Variants in PITPNC1 observed in about 807,000 individuals in gnomAD.
PITPNC1 encodes phosphatidylinositol transfer protein cytoplasmic 1.
In PITPNC1, 18 loss-of-function variants were observed where a neutral mutation model predicts 44.7. The ratio of observed to expected loss-of-function variants is 0.40; its 90% CI spans 0.28 to 0.60. The LOEUF is 0.60. Ranked by LOEUF, PITPNC1 falls within the 20% of genes least tolerant of loss-of-function variation. PITPNC1 has a pLI of 0.39. For synonymous variants in PITPNC1, 141 were observed against 149.6 expected, an observed-to-expected ratio of 0.94 and a Z score of 0.42; for missense variants, 290 against 418.4, an observed-to-expected ratio of 0.69 and a Z score of 2.68.
intron 1 of PITPNC1, among the ~76,000 whole-genome samples, chr17:67,467,216 T>TTG: frequency 6.6e-6 from 1 of 151,912 alleles, no homozygotes; most frequent in Non-Finnish European, 1.5e-5. Flanking sequence ...TGGCTATTTT[T>TTG]TGTGTGTGTG....
chr17:67,500,649 T>A (rs1405767715), intron 1 of PITPNC1, among the ~76,000 whole-genome samples: 1 of 41,542 alleles, frequency 2.4e-5, no homozygotes, highest in Non-Finnish European at 5.6e-5. Context: ...TATATCTCAA[T>A]TTTTTTTTAA....
At chr17:67,548,904 G>A (rs2040720405) in intron 2 of PITPNC1, among the ~76,000 whole-genome samples, 1 of 152,168 alleles carries the variant, frequency 6.6e-6, no homozygotes, top group Non-Finnish European at 1.5e-5. Context: ...CATCATGAAA[G>A]TGACAGCAAC....
At chr17:67,475,921 C>T (rs573157711) in intron 1 of PITPNC1, among the ~76,000 whole-genome samples, 3 of 152,166 alleles carry the variant, frequency 2.0e-5, no homozygotes, top group Admixed American at 6.5e-5. Flanking sequence ...AGCAACAGAG[C>T]GGTCTCTAAC....
At chr17:67,690,156 C>T (rs2042893680) in intron 8 of PITPNC1, among the ~76,000 whole-genome samples, 1 of 152,058 alleles carries the variant, frequency 6.6e-6, no homozygotes, top group African/African-American at 2.4e-5. Flanking sequence ...GTTATAAAAC[C>T]TAAAGATTAA....
chr17:67,437,348 G>A (rs2143911929), intron 1 of PITPNC1, among the ~76,000 whole-genome samples: 1 of 152,206 alleles, frequency 6.6e-6, no homozygotes, highest in East Asian at 1.9e-4. Context: ...AGAGACACAG[G>A]GAGAAGATAG....
chr17:67,646,488 G>A (rs1401321063), intron 6 of PITPNC1, among the ~76,000 whole-genome samples: 1 of 152,146 alleles, frequency 6.6e-6, no homozygotes. Flanking sequence ...TCACAAAATT[G>A]CTAAACCTGG....
chr17:67,616,033 G>A (rs2041753744), intron 5 of PITPNC1, among the ~76,000 whole-genome samples: 1 of 152,174 alleles, frequency 6.6e-6, no homozygotes, highest in South Asian at 2.1e-4. Context: ...ACTTAGAAGT[G>A]ATTTTGTGCC....
At chr17:67,633,767 T>C (rs1208057222) in intron 6 of PITPNC1, among the ~76,000 whole-genome samples, 1 of 152,256 alleles carries the variant, frequency 6.6e-6, no homozygotes, top group East Asian at 1.9e-4. Flanking sequence ...GCGCAGAGCA[T>C]TGTGCAAAGC....
At chr17:67,386,892 C>T (rs1239307337) in intron 1 of PITPNC1, among the ~76,000 whole-genome samples, 1 of 151,906 alleles carries the variant, frequency 6.6e-6, no homozygotes, top group Non-Finnish European at 1.5e-5. Flanking sequence ...TTCAGCCCAC[C>T]GGGAGAGGAA....
At chr17:67,662,478 G>A (rs956807989) in intron 6 of PITPNC1, among the ~76,000 whole-genome samples, 2 of 151,936 alleles carry the variant, frequency 1.3e-5, no homozygotes, top group Non-Finnish European at 1.5e-5. Context: ...ATAATTCAAC[G>A]TTTTTTTCAT....
intron 1 of PITPNC1, among the ~76,000 whole-genome samples, chr17:67,466,980 G>A (rs1358921117): frequency 6.7e-6 from 1 of 150,180 alleles, no homozygotes; most frequent in Non-Finnish European, 1.5e-5. Context: ...GCATTCTTGT[G>A]TTAAGGACCA....
intron 1 of PITPNC1, among the ~76,000 whole-genome samples, chr17:67,458,474 G>A (rs2039287145): frequency 6.6e-6 from 1 of 151,796 alleles, no homozygotes; most frequent in East Asian, 1.9e-4. Context: ...TCTATCTATT[G>A]CATTTTAAAA....
intron 1 of PITPNC1, among the ~76,000 whole-genome samples, chr17:67,506,700 A>G (rs1214441593): frequency 1.3e-5 from 2 of 152,210 alleles, no homozygotes; most frequent in African/African-American, 4.8e-5. Context: ...TTCTCATTCA[A>G]TAATTGGAAA....
At chr17:67,460,775 G>A (rs1174652006) in intron 1 of PITPNC1, among the ~76,000 whole-genome samples, 1 of 130,782 alleles carries the variant, frequency 7.6e-6, no homozygotes, top group Non-Finnish European at 1.6e-5. Context: ...GACGGAGCCT[G>A]GCTCTGTCAC....
rs8080751 is a variant in PITPNC1 at position 67,670,137 on chromosome 17, T to G, written c.618+474T>G. ...AAATACTTTTTGGATGAAAATGCATTTTATGCATAGGTTCAATTTTCTTCC... is the reference window on the plus strand; with the variant it reads ...AAATACTTTTTGGATGAAAATGCATGTTATGCATAGGTTCAATTTTCTTCC... On this transcript the variant is annotated intron_variant, in intron 7 of 8. Coordinates refer to ENST00000581322, the MANE Select transcript of PITPNC1 (RefSeq NM_012417.4). 3.5e-3 allele frequency among the ~76,000 whole-genome samples: 535 copies of G among 152,024 alleles called. 3 individuals carry two copies. Among genetic ancestry groups the G allele is most frequent in the African/African-American group, 0.012 (510 of 41,504 alleles).
At chr17:67,525,498 C>T (rs1320570309) in intron 1 of PITPNC1, 3 of 152,262 alleles carry the variant, frequency 2.0e-5, no homozygotes, top group African/African-American at 7.2e-5. Flanking sequence ...AGGGCCTTAG[C>T]TGTGCTGTGG....
chr17:67,412,975 G>T (rs760574077), intron 1 of PITPNC1, among the ~76,000 whole-genome samples: 26 of 152,180 alleles, frequency 1.7e-4, no homozygotes, highest in Non-Finnish European at 2.8e-4. Flanking sequence ...CCTCCTTAAT[G>T]AGTTGGTTGC....
At chr17:67,609,125 G>A (rs553732943) in intron 5 of PITPNC1, among the ~76,000 whole-genome samples, 9 of 149,702 alleles carry the variant, frequency 6.0e-5, no homozygotes, top group Non-Finnish European at 1.3e-4. Flanking sequence ...GCCTCCCGAA[G>A]TGCTGGGAAC....
chr17:67,630,208 T>C (rs950953928), intron 5 of PITPNC1, among the ~76,000 whole-genome samples: 1 of 152,224 alleles, frequency 6.6e-6, no homozygotes. Context: ...TATTGCATTC[T>C]CTCCCGAAGA....
Sources: allele counts gnomAD v4.1 joint callset (sites outside exome capture counted in the v4.1 genomes callset), GRCh38; gene constraint gnomAD v4.1.1; transcripts MANE v1.5; gene names NCBI Gene and HGNC (gene_info 2026-07-23, HGNC 2026-07-21).